Variants in ANO10 observed in about 807,000 individuals in gnomAD.
ANO10 encodes anoctamin 10.
In ANO10, 77 loss-of-function variants were observed where a neutral mutation model predicts 74.7. The ratio of observed to expected loss-of-function variants is 1.03; its 90% CI spans 0.86 to 1.25. The LOEUF (loss-of-function observed/expected upper bound fraction) is 1.25, where lower values mean the gene tolerates loss of function less well. Ranked by LOEUF, ANO10 falls within the 50% of genes most tolerant of loss-of-function variation. The probability of loss-of-function intolerance (pLI) is 0.00; values close to 1 mark genes in which losing one functional copy is unlikely to be tolerated. For missense variants in ANO10, 721 were observed against 778.1 expected, an observed-to-expected ratio of 0.93 and a Z score of 0.87; for synonymous variants, 279 against 284.9, an observed-to-expected ratio of 0.98 and a Z score of 0.21.
chr3:43,529,404 C>T (rs2078355310), intron 11 of ANO10, among the ~76,000 whole-genome samples: 1 of 152,180 alleles, frequency 6.6e-6, no homozygotes, highest in Non-Finnish European at 1.5e-5. Context: ...CCCACAGCAT[C>T]TATACCATTT....
intron 12 of ANO10, among the ~76,000 whole-genome samples, chr3:43,422,237 C>T (rs937810178): frequency 6.6e-6 from 1 of 152,146 alleles, no homozygotes; most frequent in Non-Finnish European, 1.5e-5. Context: ...CTGCCTCAGC[C>T]TCCTGAGTAG....
intron 11 of ANO10, among the ~76,000 whole-genome samples, chr3:43,451,841 A>T (rs2074891788): frequency 6.6e-6 from 1 of 152,212 alleles, no homozygotes; most frequent in South Asian, 2.1e-4. Context: ...AGGGAAATGG[A>T]ATTGCAAAGT....
intron 1 of ANO10, among the ~76,000 whole-genome samples, chr3:43,608,740 C>G (rs1301415509): frequency 6.6e-6 from 1 of 152,018 alleles, no homozygotes; most frequent in Non-Finnish European, 1.5e-5. Context: ...TGCCATGACA[C>G]CCAGCTAATT....
At chr3:43,679,587 G>C (rs926495891) in intron 1 of ANO10, among the ~76,000 whole-genome samples, 27 of 152,336 alleles carry the variant, frequency 1.8e-4, no homozygotes, top group African/African-American at 6.5e-4. Context: ...GCTTTGAAGA[G>C]AGTAGTGGTT....
chr3:43,552,726 A>ATATATATATATATGTATG (rs1553710721), intron 10 of ANO10, among the ~76,000 whole-genome samples: 1 of 95,602 alleles, frequency 1.0e-5, no homozygotes, highest in Non-Finnish European at 2.1e-5. Context: ...ATATATATAT[A>ATATATATATATATGTATG]TATGTATGTA....
intron 1 of ANO10, among the ~76,000 whole-genome samples, chr3:43,665,148 G>A (rs1331887652): frequency 6.6e-6 from 1 of 152,176 alleles, no homozygotes; most frequent in Admixed American, 6.5e-5. Flanking sequence ...ATGATAGACT[G>A]GATTAAGAAA....
upstream of ANO10, among the ~76,000 whole-genome samples, chr3:43,625,940 CTT>C (rs113199708): frequency 1.3e-4 from 19 of 143,954 alleles, no homozygotes; most frequent in Admixed American, 2.1e-4. Context: ...TCTTCAATTA[CTT>C]TTTTTTTTTT....
intron 12 of ANO10, among the ~76,000 whole-genome samples, chr3:43,393,477 G>T (rs1446868559): frequency 6.6e-6 from 1 of 152,050 alleles, no homozygotes; most frequent in East Asian, 1.9e-4. Flanking sequence ...TGTCTTTTTT[G>T]ATGTAACCTA....
At chr3:43,440,902 T>C (rs2093149122) in intron 11 of ANO10, among the ~76,000 whole-genome samples, 1 of 151,854 alleles carries the variant, frequency 6.6e-6, no homozygotes, top group Non-Finnish European at 1.5e-5. Flanking sequence ...AAAAGGAAAG[T>C]GGAAAATTCA....
chr3:43,488,464 A>G (rs1247758098), intron 11 of ANO10, among the ~76,000 whole-genome samples: 57 of 151,362 alleles, frequency 3.8e-4, no homozygotes, highest in African/African-American at 1.3e-3. Flanking sequence ...AACTCAAACA[A>G]ATTTACAAGA....
At chr3:43,478,340 CTA>C (rs2076150594) in intron 11 of ANO10, among the ~76,000 whole-genome samples, 1 of 152,168 alleles carries the variant, frequency 6.6e-6, no homozygotes, top group African/African-American at 2.4e-5. Flanking sequence ...CACCACTGTG[CTA>C]TGTGTTTTAT....
chr3:43,431,343 G>C (rs1430449830), intron 12 of ANO10, among the ~76,000 whole-genome samples: 1 of 151,838 alleles, frequency 6.6e-6, no homozygotes, highest in Non-Finnish European at 1.5e-5. Context: ...AAAGTGCTGG[G>C]ATTACAGGTG....
intron 12 of ANO10, among the ~76,000 whole-genome samples, chr3:43,402,670 C>A (rs1559511509): frequency 6.6e-6 from 1 of 152,172 alleles, no homozygotes. Flanking sequence ...AGGTACCACA[C>A]TGGCTCTTTT....
intron 11 of ANO10, among the ~76,000 whole-genome samples, chr3:43,434,762 G>A (rs1222915412): frequency 6.6e-6 from 1 of 152,164 alleles, no homozygotes; most frequent in Non-Finnish European, 1.5e-5. Flanking sequence ...GAACAAGTAG[G>A]TAACAGAACA....
Position 43,574,803 on chromosome 3 carries a change from A to G in ANO10, c.1218+6T>C, listed in dbSNP as rs1250115860. 6.2e-7 allele frequency: 1 copy of G among 1,611,920 alleles called. No individual in the cohort carries two copies. Among genetic ancestry groups the G allele is most frequent in the Admixed American group, 1.7e-5 (1 of 60,022 alleles). Reference sequence around the variant, plus strand: ...AAATGGATTTGTACATAAACGCTGTACTTACCACTAAAACTTTCAGAATTA... The same window carrying G: ...AAATGGATTTGTACATAAACGCTGTGCTTACCACTAAAACTTTCAGAATTA... On this transcript the variant is annotated splice_donor_region_variant and intron_variant, in intron 7 of 12. Coordinates refer to ENST00000292246, the MANE Select transcript of ANO10 (RefSeq NM_018075.5).
At chr3:43,691,245 G>A (rs563088361) in intron 1 of ANO10, 2 of 431,086 alleles carry the variant, frequency 4.6e-6, no homozygotes, top group Admixed American at 4.5e-5. Context: ...CTCAGCGTCG[G>A]GGCCCCGAGG....
intron 12 of ANO10, among the ~76,000 whole-genome samples, chr3:43,370,428 A>G (rs1183480989): frequency 1.3e-5 from 2 of 152,148 alleles, no homozygotes; most frequent in African/African-American, 4.8e-5. Flanking sequence ...AGGAGGGGTG[A>G]AACAGATTTC....
chr3:43,511,935 G>A lies in ANO10; in HGVS notation c.1797+37785C>T, dbSNP rs374423500. Among the ~76,000 whole-genome samples, 20 of 152,272 alleles carry A rather than the reference G, an allele frequency of 1.3e-4. No homozygotes were observed. The South Asian group carries it at 2.3e-3, about 17-fold the overall frequency. ...CTGAGCAATGCACACACAGGACAAT[G>A]AGGTCCATGGTACAAGGGCCAAATT... is the stretch of plus-strand genomic sequence containing the variant. On this transcript the variant is annotated intron_variant, in intron 11 of 12. Transcript: ENST00000292246.
intron 12 of ANO10, among the ~76,000 whole-genome samples, chr3:43,378,379 A>T (rs1298077419): frequency 6.6e-6 from 1 of 152,184 alleles, no homozygotes; most frequent in Non-Finnish European, 1.5e-5. Context: ...AGAAACACTA[A>T]GGCCATCACC....
Sources: allele counts gnomAD v4.1 joint callset (sites outside exome capture counted in the v4.1 genomes callset), GRCh38; gene constraint gnomAD v4.1.1; transcripts MANE v1.5; gene names NCBI Gene and HGNC (gene_info 2026-07-23, HGNC 2026-07-21).